Variants in HEATR4 observed in about 807,000 individuals in gnomAD.
The protein encoded by HEATR4 is HEAT repeat containing 4.
Under a neutral mutation model 108.8 loss-of-function variants are expected in HEATR4, and 95 were observed. The observed-to-expected ratio is 0.87, with a 90% CI of 0.74 to 1.04. The LOEUF (loss-of-function observed/expected upper bound fraction) is 1.04, where lower values mean the gene tolerates loss of function less well. HEATR4 is among the 50% of genes least tolerant of loss of function. The pLI, the probability that HEATR4 is intolerant of heterozygous loss-of-function variation, is 0.00. For missense variants in HEATR4, 1,152 were observed against 1,253.8 expected, an observed-to-expected ratio of 0.92 and a Z score of 1.23; for synonymous variants, 443 against 459.4, an observed-to-expected ratio of 0.96 and a Z score of 0.46.
At chr14:73,570,766 G>C in the HEATR4 span, among the ~76,000 whole-genome samples, 2 of 151,340 alleles carry the variant, frequency 1.3e-5, no homozygotes, top group African/African-American at 4.9e-5. Context: ...TTAGCCAGGC[G>C]TGGTGGTGCA....
chr14:73,568,317 A>G, the HEATR4 span, among the ~76,000 whole-genome samples: 1 of 151,498 alleles, frequency 6.6e-6, no homozygotes, highest in African/African-American at 2.4e-5. Flanking sequence ...AAAATCAGGT[A>G]CAAGGGCTTG....
chr14:73,537,552 C>T lies in HEATR4; in HGVS notation c.-151-7308G>A. Reference sequence around the variant, plus strand: ...GCGTCCCTGCGCGACGAGAAGGGCGCGCTTTTCCAGGCCCACGCGCGCTAC... The same window carrying T: ...GCGTCCCTGCGCGACGAGAAGGGCGTGCTTTTCCAGGCCCACGCGCGCTAC... On this transcript the variant is annotated intron_variant, in intron 1 of 17. Transcript: ENST00000553558. The T allele has an allele frequency of 2.5e-6, 3 of 1,213,610 alleles. 1 individual carries two copies. Among genetic ancestry groups the T allele is most frequent in the Middle Eastern group, 5.9e-4 (2 of 3,380 alleles). The allele number at this position is 1,213,610 out of a possible 1,614,324, so 75.2% of individuals were successfully genotyped here.
At chr14:73,587,009 C>A in the HEATR4 span, among the ~76,000 whole-genome samples, 1 of 152,068 alleles carries the variant, frequency 6.6e-6, no homozygotes, top group African/African-American at 2.4e-5. Context: ...ATACTGAAGT[C>A]CACAAGTGTT....
chr14:73,573,585 C>T, the HEATR4 span: 1 of 1,613,738 alleles, frequency 6.2e-7, no homozygotes, highest in Non-Finnish European at 8.5e-7. Context: ...GCTCAGTCAT[C>T]CCGAGGTTAG....
chr14:73,585,721 T>G, the HEATR4 span, among the ~76,000 whole-genome samples: 3,544 of 151,136 alleles, frequency 0.023, 151 homozygotes, highest in African/African-American at 0.081. Context: ...TACTATCACA[T>G]TGGGTATTAG....
chr14:73,626,237 T>C, the HEATR4 span, among the ~76,000 whole-genome samples: 1 of 152,168 alleles, frequency 6.6e-6, no homozygotes, highest in Admixed American at 6.6e-5. Flanking sequence ...TCACACATAA[T>C]ATACAACAAC....
the HEATR4 span, among the ~76,000 whole-genome samples, chr14:73,630,895 G>A: frequency 6.6e-6 from 1 of 152,120 alleles, no homozygotes; most frequent in Non-Finnish European, 1.5e-5. Context: ...CCTTCATTTT[G>A]GGGTATTGTT....
At chr14:73,595,503 C>T in the HEATR4 span, 21 of 1,613,684 alleles carry the variant, frequency 1.3e-5, no homozygotes, top group African/African-American at 8.0e-5. Context: ...CTGTGCCCAG[C>T]TTCCCTTCAC....
chr14:73,488,693 T>C (rs1358633924), intron 17 of HEATR4, among the ~76,000 whole-genome samples: 1 of 151,496 alleles, frequency 6.6e-6, no homozygotes, highest in Non-Finnish European at 1.5e-5. Flanking sequence ...TAGTTCTTTA[T>C]AGCAATGTGA....
At chr14:73,569,157 C>G in the HEATR4 span, 2 of 1,512,698 alleles carry the variant, frequency 1.3e-6, no homozygotes, top group African/African-American at 2.7e-5. Context: ...TCTGGCTGAT[C>G]GGCTGGACTC....
At chr14:73,571,386 G>A in the HEATR4 span, 1 of 154,542 alleles carries the variant, frequency 6.5e-6, no homozygotes, top group Non-Finnish European at 1.4e-5. Flanking sequence ...CACCCACACA[G>A]TGGTCATACT....
Position 73,540,730 on chromosome 14 carries a change from G to C in HEATR4, c.-151-10486C>G, listed in dbSNP as rs1198343767. The stretch of plus-strand genomic sequence containing the variant: ...TATGTCTTAAAAGTGTTGCCTGTAA[G>C]GTGTTTGCATTCTTTTTTTTTTTTT... On this transcript the variant is annotated intron_variant, in intron 1 of 17. Coordinates refer to ENST00000553558, the MANE Select transcript of HEATR4 (RefSeq NM_001220484.1). 7.7e-4 allele frequency among the ~76,000 whole-genome samples: 88 copies of C among 114,560 alleles called. 1 individual carries two copies. The highest frequency in any genetic ancestry group is 2.6e-3 in the African/African-American group (80 of 31,342). The allele number at this position is 114,560 out of a possible 152,430, so 75.2% of individuals were successfully genotyped here.
the HEATR4 span, among the ~76,000 whole-genome samples, chr14:73,576,666 C>G: frequency 7.9e-5 from 12 of 151,080 alleles, no homozygotes; most frequent in African/African-American, 2.9e-4. Context: ...ATTGGTGGTG[C>G]ATGCCTGTAG....
At chr14:73,618,001 G>A in the HEATR4 span, among the ~76,000 whole-genome samples, 2 of 151,822 alleles carry the variant, frequency 1.3e-5, no homozygotes, top group African/African-American at 2.4e-5. Context: ...AAATTAGCTG[G>A]GCATGGTGGT....
chr14:73,593,768 C>T, the HEATR4 span: 1 of 1,613,888 alleles, frequency 6.2e-7, no homozygotes, highest in South Asian at 1.1e-5. Flanking sequence ...GAATATCGAG[C>T]CAGCCTCCTT....
the HEATR4 span, among the ~76,000 whole-genome samples, chr14:73,602,670 T>C: frequency 9.9e-5 from 15 of 152,240 alleles, no homozygotes; most frequent in Admixed American, 9.8e-4. Context: ...GCTACAATTA[T>C]GATTGATACC....
chr14:73,519,766 C>T (rs1887860771), intron 4 of HEATR4, among the ~76,000 whole-genome samples: 1 of 151,854 alleles, frequency 6.6e-6, no homozygotes, highest in Non-Finnish European at 1.5e-5. Context: ...GCCTGTAATC[C>T]CAGCACTTTG....
At chr14:73,579,573 CAA>C in the HEATR4 span, among the ~76,000 whole-genome samples, 3,322 of 56,388 alleles carry the variant, frequency 0.059, 75 homozygotes, top group African/African-American at 0.15. Flanking sequence ...AAAGCCGTCT[CAA>C]AAAAAAAAAA....
At chr14:73,579,129 G>A in the HEATR4 span, among the ~76,000 whole-genome samples, 1 of 150,226 alleles carries the variant, frequency 6.7e-6, no homozygotes. Context: ...GGTGGCATGC[G>A]CCTGTAATCC....
Sources: gnomAD v4.1 joint callset for allele counts (sites outside exome capture counted in the v4.1 genomes callset) on GRCh38, gnomAD v4.1.1 for gene constraint, MANE v1.5 for transcripts, NCBI Gene and HGNC (gene_info 2026-07-23, HGNC 2026-07-21) for gene names.